Variants in UBR3 observed in about 807,000 individuals in gnomAD.
UBR3 encodes ubiquitin protein ligase E3 component n-recognin 3, also known as E3 ubiquitin-protein ligase UBR3.
Under a neutral mutation model 243.2 loss-of-function variants are expected in UBR3, and 85 were observed. The ratio of observed to expected loss-of-function variants is 0.35; its 90% confidence interval spans 0.29 to 0.42. UBR3 has a LOEUF of 0.42. Among genes scored for constraint, UBR3 ranks in the 10% least tolerant of loss-of-function variants. The pLI is 1.00. For synonymous variants in UBR3, 748 were observed against 799.8 expected (o/e 0.94, Z 1.09); for missense variants, 1,686 against 2,300.8 (o/e 0.73, Z 5.47).
At chr2:169,903,024 G>A (rs1222606238) in intron 8 of UBR3, among the ~76,000 whole-genome samples, 3 of 152,190 alleles carry the variant, frequency 2.0e-5, no homozygotes, top group Admixed American at 2.0e-4. Flanking sequence ...CATGAAGACA[G>A]AGATCATCTA....
chr2:170,064,803 A>ATTTTTTTTTTTTTTTTTTTTTTCT, intron 35 of UBR3, among the ~76,000 whole-genome samples: 2 of 87,878 alleles, frequency 2.3e-5, no homozygotes, highest in African/African-American at 4.3e-5. Flanking sequence ...TGCTTTTTCT[A>ATTTTTTTTTTTTTTTTTTTTTTCT]TTTTTTTTTT....
chr2:169,904,630 T>C (rs1574165038), intron 8 of UBR3, among the ~76,000 whole-genome samples: 1 of 152,110 alleles, frequency 6.6e-6, no homozygotes, highest in African/African-American at 2.4e-5. Context: ...TTGCTAAAGA[T>C]TGTATTGATG....
rs79174720 is a variant in UBR3 at position 169,860,484 on chromosome 2, C to T, written c.546-11752C>T. On this transcript the variant is annotated intron_variant, in intron 1 of 38. Coordinates refer to ENST00000272793, the MANE Select transcript of UBR3 (RefSeq NM_172070.4). Reference sequence around the variant, plus strand: ...CCATTTATTTTGAGGTTTCGCCATTCTCGCTGTTGGGAACATGAACTAATT... The same window carrying T: ...CCATTTATTTTGAGGTTTCGCCATTTTCGCTGTTGGGAACATGAACTAATT... Among the ~76,000 whole-genome samples the T allele has an allele frequency of 1.6e-4, 25 of 152,288 alleles. No homozygotes were observed. In the East Asian group the frequency reaches 4.8e-3, roughly 29 times the overall value.
intron 10 of UBR3, among the ~76,000 whole-genome samples, chr2:169,910,046 T>C (rs886140698): frequency 3.3e-5 from 5 of 152,074 alleles, no homozygotes; most frequent in African/African-American, 1.2e-4. Context: ...TTTAGAGAGA[T>C]CAGAGTTAGC....
chr2:169,845,187 G>T (rs1271882734), intron 1 of UBR3, among the ~76,000 whole-genome samples: 1 of 152,044 alleles, frequency 6.6e-6, no homozygotes, highest in African/African-American at 2.4e-5. Context: ...CTCTGGGAGG[G>T]TGAGGGTGGT....
chr2:169,986,139 CAT>C (rs762234136), intron 24 of UBR3, among the ~76,000 whole-genome samples: 4 of 152,126 alleles, frequency 2.6e-5, no homozygotes, highest in Non-Finnish European at 5.9e-5. Flanking sequence ...CATTAAAAAA[CAT>C]ATTGATAGCT....
chr2:169,885,550 C>T (rs2084058577), intron 5 of UBR3, among the ~76,000 whole-genome samples: 1 of 151,708 alleles, frequency 6.6e-6, no homozygotes, highest in African/African-American at 2.4e-5. Context: ...TGCACTCCAG[C>T]GTGGGTGACA....
intron 17 of UBR3, among the ~76,000 whole-genome samples, chr2:169,927,784 C>A (rs1202711657): frequency 1.3e-5 from 2 of 152,056 alleles, no homozygotes; most frequent in Non-Finnish European, 2.9e-5. Context: ...AAAGGTATAC[C>A]TTACGATTAT....
intron 32 of UBR3, among the ~76,000 whole-genome samples, chr2:170,049,735 TTC>T (rs2091173571): frequency 1.3e-5 from 2 of 152,180 alleles, no homozygotes; most frequent in African/African-American, 4.8e-5. Flanking sequence ...TTCTCCGTGA[TTC>T]TGTTTTGATA....
intron 1 of UBR3, among the ~76,000 whole-genome samples, chr2:169,859,687 T>C (rs1381496720): frequency 7.0e-6 from 1 of 143,850 alleles, no homozygotes; most frequent in Non-Finnish European, 1.5e-5. Flanking sequence ...GTATTCTTCA[T>C]TGCTGATATT....
intron 35 of UBR3, among the ~76,000 whole-genome samples, chr2:170,071,523 T>C (rs1416142048): frequency 6.6e-6 from 1 of 152,126 alleles, no homozygotes; most frequent in Admixed American, 6.6e-5. Context: ...TCTAAAACTG[T>C]ATTGTGATGG....
chr2:170,051,534 C>T (rs560464852), intron 32 of UBR3, among the ~76,000 whole-genome samples: 4 of 152,182 alleles, frequency 2.6e-5, no homozygotes, highest in East Asian at 1.9e-4. Context: ...TTAGTTGAGA[C>T]GAGGTTTCAC....
Position 169,836,067 on chromosome 2 carries a change from ATTTTTTT to A in UBR3, c.545+8035_545+8041del, listed in dbSNP as rs60845808. 4.4e-3 allele frequency among the ~76,000 whole-genome samples: 143 copies of A among 32,660 alleles called. 1 individual carries two copies. Among genetic ancestry groups the A allele is most frequent in the African/African-American group, 0.012 (99 of 8,392 alleles). 21.4% of individuals were successfully genotyped at this position (32,660 alleles called of 152,430 possible). On this transcript the variant is annotated intron_variant, in intron 1 of 38. Transcript: ENST00000272793. ...TCTATATATATATATATATATATAT[ATTTTTTT>A]TTTTTTTTTTTTTTTTTTTGAGATG...
intron 26 of UBR3, among the ~76,000 whole-genome samples, chr2:169,997,846 T>C (rs1352713955): frequency 1.3e-5 from 2 of 152,144 alleles, no homozygotes; most frequent in African/African-American, 4.8e-5. Flanking sequence ...GAGTGCATGC[T>C]GAATGATCCA....
chr2:169,992,546 T>C (rs1033148851), intron 25 of UBR3, among the ~76,000 whole-genome samples: 32 of 152,208 alleles, frequency 2.1e-4, no homozygotes, highest in Admixed American at 1.8e-3. Flanking sequence ...AAGAGGATTA[T>C]GCATCATGGT....
chr2:169,947,837 G>A (rs2086847295), intron 22 of UBR3, 122 bp downstream of exon 22: 11 of 1,242,948 alleles, frequency 8.8e-6, no homozygotes, highest in Non-Finnish European at 1.0e-5. Context: ...ACTTTAAATT[G>A]TCTTTTATTT....
chr2:170,040,047 ATT>A (rs2090928294), intron 31 of UBR3, among the ~76,000 whole-genome samples: 1 of 151,892 alleles, frequency 6.6e-6, no homozygotes, highest in South Asian at 2.1e-4. Flanking sequence ...TTTATAGTGT[ATT>A]TTAAGTTCTG....
chr2:169,836,027 CTCTCTCTCTCTCTCTCTATATATA>C (rs1413648203), intron 1 of UBR3, among the ~76,000 whole-genome samples: 39 of 27,968 alleles, frequency 1.4e-3, no homozygotes, highest in Non-Finnish European at 2.1e-3. Flanking sequence ...CTCTCTCTCT[CTCTCTCTCTCTCTCTCTATATATA>C]TATATATATA....
In UBR3 at chr2:170,007,150, A is replaced by T. The variant is rs2089942236; in HGVS notation, c.4190A>T (p.Lys1397Met). The change falls in exon 28 of 39, where the codon AAG (lysine) becomes ATG (methionine). Residue 1397 changes from lysine to methionine, a missense_variant. Transcript: ENST00000272793. ...AACAAAAGCATACAAGATCTCATAA[A>T]GGAAGTGGAGGAGCTGCAGGGACGA... ...PSNKSIQDLIKEVEELQGRPG... is the reference protein window; with the variant it reads ...PSNKSIQDLIMEVEELQGRPG... 2.5e-6 allele frequency: 4 copies of T among 1,611,886 alleles called. No individual in the cohort carries two copies. The African/African-American group carries it at 5.3e-5, about 22-fold the overall frequency.
Sources: allele counts gnomAD v4.1 joint callset (sites outside exome capture counted in the v4.1 genomes callset), GRCh38; gene constraint gnomAD v4.1.1; transcripts MANE v1.5; gene names NCBI Gene and HGNC (gene_info 2026-07-23, HGNC 2026-07-21).